RBFOX3: variants seen among roughly 807,000 people sequenced by gnomAD.
RBFOX3 encodes RNA binding protein fox-1 homolog 3.
RBFOX3 carries 17 observed loss-of-function variants against 48.7 expected under a neutral mutation model. That is an observed-to-expected ratio of 0.35 (90% confidence interval 0.24 to 0.52). The LOEUF (loss-of-function observed/expected upper bound fraction) is 0.52. Ranked by LOEUF, RBFOX3 falls within the 20% of genes least tolerant of loss-of-function variation. The pLI is 0.94. For synonymous variants in RBFOX3, 212 were observed against 209.5 expected, an observed-to-expected ratio of 1.01 and a Z score of -0.10; for missense variants, 382 against 497.5, an observed-to-expected ratio of 0.77 and a Z score of 2.21.
At chr17:79,484,592 AG>A (rs2079281871) in intron 1 of RBFOX3, among the ~76,000 whole-genome samples, 1 of 149,146 alleles carries the variant, frequency 6.7e-6, no homozygotes, top group Non-Finnish European at 1.5e-5. Flanking sequence ...GCCTGGGTGC[AG>A]GGGGCCTGTG....
At chr17:79,449,385 G>A (rs2073020820) in intron 2 of RBFOX3, among the ~76,000 whole-genome samples, 1 of 151,628 alleles carries the variant, frequency 6.6e-6, no homozygotes, top group South Asian at 2.1e-4. Context: ...CTCCCTTACA[G>A]TTCCCGGGTC....
In RBFOX3 at chr17:79,158,614, G is replaced by A. The variant is rs116116166; in HGVS notation, c.-33-42866C>T. Among the ~76,000 whole-genome samples, 1,240 of 152,324 alleles carry A rather than the reference G, an allele frequency of 8.1e-3. 15 individuals are homozygous for A. The highest frequency in any genetic ancestry group is 0.028 in the African/African-American group (1,178 of 41,580). On this transcript the variant is annotated intron_variant, in intron 4 of 14. Transcript: ENST00000693108. ...GCAGAGGCAGGCAGGGTCTGCTCCC[G>A]ACAGCCCTTGCTAAGGACGCCCGAC...
chr17:79,210,242 A>C (rs1476043058), intron 4 of RBFOX3, among the ~76,000 whole-genome samples: 1 of 152,142 alleles, frequency 6.6e-6, no homozygotes, highest in Non-Finnish European at 1.5e-5. Flanking sequence ...TTCTTTTGTG[A>C]ACTTTTTTTA....
chr17:79,444,272 G>A (rs1792058523), intron 2 of RBFOX3, among the ~76,000 whole-genome samples: 1 of 152,140 alleles, frequency 6.6e-6, no homozygotes, highest in Non-Finnish European at 1.5e-5. Context: ...GGGACTGGGA[G>A]CCCCTTGTGG....
At chr17:79,467,295 G>A (rs916839105) in intron 2 of RBFOX3, among the ~76,000 whole-genome samples, 1 of 152,156 alleles carries the variant, frequency 6.6e-6, no homozygotes. Flanking sequence ...CCAGAGTAGC[G>A]TGCCTTCCTC....
intron 3 of RBFOX3, among the ~76,000 whole-genome samples, chr17:79,300,159 C>T (rs1468577904): frequency 6.6e-6 from 1 of 152,208 alleles, no homozygotes; most frequent in Non-Finnish European, 1.5e-5. Flanking sequence ...CCAACTTGTC[C>T]TCCAAAAGTG....
intron 1 of RBFOX3, among the ~76,000 whole-genome samples, chr17:79,503,506 T>C (rs1307686586): frequency 6.6e-6 from 1 of 152,242 alleles, no homozygotes; most frequent in Admixed American, 6.5e-5. Flanking sequence ...GGACTATCAA[T>C]GGGAGATTGC....
chr17:79,401,318 C>A (rs11650162), intron 2 of RBFOX3, among the ~76,000 whole-genome samples: 17,266 of 152,126 alleles, frequency 0.11, 1,235 homozygotes, highest in East Asian at 0.18. Flanking sequence ...GGTGGTAGAA[C>A]GGGGCTACTA....
intron 1 of RBFOX3, among the ~76,000 whole-genome samples, chr17:79,492,448 T>C (rs2149614226): frequency 6.6e-6 from 1 of 152,328 alleles, no homozygotes; most frequent in East Asian, 1.9e-4. Flanking sequence ...CGCCCTGTCA[T>C]GAGGACACTC....
In RBFOX3 at chr17:79,344,852, G is replaced by A. The variant is rs144369293; in HGVS notation, c.-174-37028C>T. ...ATTACAGGCATGAGCCACCACGCCCGGCCATCTGTTTGCTTTTCAACCCAC... is the reference window on the plus strand; with the variant it reads ...ATTACAGGCATGAGCCACCACGCCCAGCCATCTGTTTGCTTTTCAACCCAC... On this transcript the variant is annotated intron_variant, in intron 2 of 14. Coordinates refer to ENST00000693108, the MANE Select transcript of RBFOX3 (RefSeq NM_001350451.2). Among the ~76,000 whole-genome samples the A allele has an allele frequency of 6.0e-3, 909 of 152,172 alleles. 3 individuals are homozygous for A. The highest frequency in any genetic ancestry group is 9.4e-3 in the African/African-American group (391 of 41,522).
At chr17:79,279,877 C>A (rs1288739550) in intron 3 of RBFOX3, among the ~76,000 whole-genome samples, 2 of 152,190 alleles carry the variant, frequency 1.3e-5, no homozygotes, top group Non-Finnish European at 2.9e-5. Context: ...GGAGGAACAA[C>A]TGGAAGGTCT....
chr17:79,164,881 C>T (rs539642229), intron 4 of RBFOX3, among the ~76,000 whole-genome samples: 12 of 152,300 alleles, frequency 7.9e-5, no homozygotes, highest in African/African-American at 2.4e-4. Flanking sequence ...TTCCCTCGCC[C>T]CTCTTCTCCC....
rs1201572165 is a variant in RBFOX3, at chr17:79,214,711, G to T, written c.-34+21055C>A. ...CCATCTGGGAAGCCCAGGAGGGGAG[G>T]CTGGAGGCCCAGGGGCCCCCAGCTA... is the stretch of plus-strand genomic sequence containing the variant. On this transcript the variant is annotated intron_variant, in intron 4 of 14. Transcript: ENST00000693108. This position sits in a 1 kb window ranked among gnomAD's most constrained non-coding sequence, Gnocchi z 4.7. Among the ~76,000 whole-genome samples, 1 of 152,054 alleles carries T rather than the reference G, an allele frequency of 6.6e-6. No homozygotes were observed. Among genetic ancestry groups the T allele is most frequent in the African/African-American group, 2.4e-5 (1 of 41,394 alleles).
intron 3 of RBFOX3, among the ~76,000 whole-genome samples, chr17:79,296,856 G>A (rs1415057616): frequency 5.4e-5 from 4 of 73,442 alleles, no homozygotes; most frequent in Non-Finnish European, 7.3e-5. Flanking sequence ...CCCTCCTCCT[G>A]CTTCTCCTCC....
chr17:79,473,311 T>C lies in RBFOX3; in HGVS notation c.-175+9143A>G, dbSNP rs2077277756. Among the ~76,000 whole-genome samples, 1 of 152,198 alleles carries C rather than the reference T, an allele frequency of 6.6e-6. No individual in the cohort carries two copies. The highest frequency in any genetic ancestry group is 2.1e-4 in the South Asian group (1 of 4,826). ...TCAGCCTGTTGCTAGGGAGCTGCTG[T>C]GGGTTTGAATTCTGTATGGCCCTGG... is the stretch of plus-strand genomic sequence containing the variant. On this transcript the variant is annotated intron_variant, in intron 2 of 14. Coordinates refer to ENST00000693108, the MANE Select transcript of RBFOX3 (RefSeq NM_001350451.2). This position sits in a 1 kb window ranked among gnomAD's most constrained non-coding sequence, Gnocchi z 4.2.
chr17:79,244,996 CCTTTT>C (rs1315608791), intron 3 of RBFOX3, among the ~76,000 whole-genome samples: 2 of 149,810 alleles, frequency 1.3e-5, no homozygotes, highest in East Asian at 4.0e-4. Flanking sequence ...TTCCTTCCTC[CCTTTT>C]CTTTTCTTTC....
chr17:79,487,273 C>T (rs1247903876), intron 1 of RBFOX3, among the ~76,000 whole-genome samples: 1 of 152,138 alleles, frequency 6.6e-6, no homozygotes, highest in East Asian at 1.9e-4. Context: ...GATGGCAGGC[C>T]CTGGGCAAGG....
chr17:79,564,837 C>T (rs1025848288), intron 1 of RBFOX3, among the ~76,000 whole-genome samples: 5 of 151,958 alleles, frequency 3.3e-5, no homozygotes, highest in South Asian at 2.1e-4. Flanking sequence ...GTCAGGAGTT[C>T]GAGACCAGCC....
the RBFOX3 span, among the ~76,000 whole-genome samples, chr17:79,626,914 G>C: frequency 6.6e-6 from 1 of 152,238 alleles, no homozygotes; most frequent in African/African-American, 2.4e-5. Flanking sequence ...GAAGCCTGGA[G>C]CCTCGGTCAT....
Sources: gnomAD v4.1 joint callset for allele counts (sites outside exome capture counted in the v4.1 genomes callset) on GRCh38, gnomAD v4.1.1 for gene constraint, Gnocchi (gnomAD v3.1) non-coding constraint, MANE v1.5 for transcripts, NCBI Gene and HGNC (gene_info 2026-07-23, HGNC 2026-07-21) for gene names.